GALNT13: variants seen among roughly 807,000 people sequenced by gnomAD.
The protein encoded by GALNT13 is UDP-GalNAc:polypeptide N-acetylgalactosaminyltransferase 13.
Under a neutral mutation model 64.2 loss-of-function variants are expected in GALNT13, and 28 were observed. The ratio of observed to expected loss-of-function variants is 0.44; its 90% CI spans 0.32 to 0.60. The LOEUF (loss-of-function observed/expected upper bound fraction) is 0.60. GALNT13 is among the 20% of genes least tolerant of loss of function. GALNT13 has a pLI of 0.05. For synonymous variants in GALNT13, 214 were observed against 224.6 expected (o/e 0.95, Z 0.42); for missense variants, 577 against 669.8 (o/e 0.86, Z 1.53).
the GALNT13 span, among the ~76,000 whole-genome samples, chr2:153,404,467 CT>C: frequency 1.3e-5 from 2 of 151,824 alleles, no homozygotes; most frequent in African/African-American, 4.8e-5. Context: ...CTGTTCTTTG[CT>C]GTTAGAAGCT....
intron 3 of GALNT13, among the ~76,000 whole-genome samples, chr2:154,013,932 A>G (rs191386342): frequency 6.6e-6 from 1 of 152,270 alleles, no homozygotes; most frequent in East Asian, 1.9e-4. Flanking sequence ...ATGGTTAGGC[A>G]TGGACTGCCA....
chr2:153,892,832 T>G (rs1687640097), intron 1 of GALNT13, among the ~76,000 whole-genome samples: 1 of 152,036 alleles, frequency 6.6e-6, no homozygotes, highest in Admixed American at 6.6e-5. Flanking sequence ...ATGTGAACCC[T>G]AATGTATGCT....
At chr2:154,359,332 A>G (rs996771673) in intron 9 of GALNT13, among the ~76,000 whole-genome samples, 4 of 152,120 alleles carry the variant, frequency 2.6e-5, no homozygotes, top group Non-Finnish European at 5.9e-5. Context: ...CTCCAAGTTC[A>G]AATGACAAGA....
the GALNT13 span, among the ~76,000 whole-genome samples, chr2:153,372,654 A>C: frequency 1.3e-5 from 2 of 151,894 alleles, no homozygotes; most frequent in African/African-American, 4.8e-5. Context: ...CAAAAAAAAA[A>C]AAAGAAAGAA....
chr2:153,660,884 C>T, the GALNT13 span, among the ~76,000 whole-genome samples: 1 of 152,130 alleles, frequency 6.6e-6, no homozygotes, highest in Non-Finnish European at 1.5e-5. Flanking sequence ...AGGCAAGTCA[C>T]ATGACCAAGC....
the GALNT13 span, among the ~76,000 whole-genome samples, chr2:153,807,475 T>C: frequency 6.6e-6 from 1 of 151,836 alleles, no homozygotes; most frequent in Non-Finnish European, 1.5e-5. Context: ...TTAACTGTTT[T>C]ATTAGATATT....
chr2:153,128,670 A>G, the GALNT13 span, among the ~76,000 whole-genome samples: 1 of 152,208 alleles, frequency 6.6e-6, no homozygotes, highest in Non-Finnish European at 1.5e-5. Flanking sequence ...GTGCATGCAG[A>G]AAGAGCGCAT....
intron 7 of GALNT13, among the ~76,000 whole-genome samples, chr2:154,253,581 G>T (rs1573960396): frequency 6.6e-6 from 1 of 152,116 alleles, no homozygotes; most frequent in Admixed American, 6.6e-5. Context: ...AAGAGTTCGA[G>T]ATTATCCTGG....
At chr2:153,825,998 T>C in the GALNT13 span, among the ~76,000 whole-genome samples, 1 of 152,160 alleles carries the variant, frequency 6.6e-6, no homozygotes, top group Admixed American at 6.5e-5. Context: ...CTCTAGAACA[T>C]GTCTAATTAC....
chr2:153,697,216 T>A, the GALNT13 span, among the ~76,000 whole-genome samples: 2 of 152,204 alleles, frequency 1.3e-5, no homozygotes, highest in Non-Finnish European at 2.9e-5. Context: ...CTGTTGATCC[T>A]CTAGCACCTA....
chr2:153,562,436 A>G, the GALNT13 span, among the ~76,000 whole-genome samples: 7 of 152,162 alleles, frequency 4.6e-5, no homozygotes, highest in Non-Finnish European at 8.8e-5. Context: ...TATAATTCAT[A>G]CACTGTGTCT....
intron 9 of GALNT13, among the ~76,000 whole-genome samples, chr2:154,374,103 A>T (rs1002429205): frequency 6.6e-6 from 1 of 151,740 alleles, no homozygotes; most frequent in Non-Finnish European, 1.5e-5. Context: ...TTCCTTCTTC[A>T]CTCTTGTGCA....
chr2:153,395,824 G>A, the GALNT13 span, among the ~76,000 whole-genome samples: 2 of 152,222 alleles, frequency 1.3e-5, no homozygotes, highest in East Asian at 3.9e-4. Context: ...AGTGAAGAAT[G>A]GACTAGGGTG....
the GALNT13 span, among the ~76,000 whole-genome samples, chr2:153,344,497 T>A: frequency 6.6e-6 from 1 of 152,190 alleles, no homozygotes; most frequent in Admixed American, 6.5e-5. Context: ...GTTGTTGCTG[T>A]TGTTGTTTTT....
the GALNT13 span, among the ~76,000 whole-genome samples, chr2:153,683,940 T>C: frequency 6.6e-6 from 1 of 151,588 alleles, no homozygotes; most frequent in African/African-American, 2.4e-5. Flanking sequence ...AAGAAACAAT[T>C]ACCTCTCACC....
intron 4 of GALNT13, among the ~76,000 whole-genome samples, chr2:154,187,694 T>C (rs1361364640): frequency 6.6e-6 from 1 of 152,014 alleles, no homozygotes; most frequent in Non-Finnish European, 1.5e-5. Flanking sequence ...GATGTAGACC[T>C]AAACAACTAC....
chr2:153,444,696 T>C, the GALNT13 span, among the ~76,000 whole-genome samples: 5 of 152,218 alleles, frequency 3.3e-5, no homozygotes, highest in Non-Finnish European at 7.4e-5. Context: ...AATCATTCAA[T>C]ATGTAGCATT....
intron 11 of GALNT13, among the ~76,000 whole-genome samples, chr2:154,412,751 C>T (rs1304077222): frequency 1.3e-5 from 2 of 151,714 alleles, no homozygotes; most frequent in South Asian, 2.1e-4. Context: ...AGCAGGAATA[C>T]TGCAAAAGCT....
chr2:154,323,068 T>A (rs1192074005), intron 9 of GALNT13, among the ~76,000 whole-genome samples: 1 of 151,976 alleles, frequency 6.6e-6, no homozygotes, highest in Non-Finnish European at 1.5e-5. Flanking sequence ...AGAATTCTTT[T>A]GAGCTCATCT....
Sources: allele counts gnomAD v4.1 joint callset (sites outside exome capture counted in the v4.1 genomes callset), GRCh38; gene constraint gnomAD v4.1.1; transcripts MANE v1.5; gene names NCBI Gene and HGNC (gene_info 2026-07-23, HGNC 2026-07-21).